XXYLT1: variants seen among roughly 807,000 people sequenced by gnomAD.
XXYLT1 encodes the protein xyloside xylosyltransferase 1.
XXYLT1 carries 20 observed loss-of-function variants against 28.9 expected under a neutral mutation model. That is an observed-to-expected ratio of 0.69 (90% CI 0.49 to 1.00). XXYLT1 has a LOEUF of 1.00. XXYLT1 is among the 50% of genes least tolerant of loss of function. The pLI, the probability that XXYLT1 is intolerant of heterozygous loss-of-function variation, is 0.00. For missense variants in XXYLT1, 542 were observed against 560.1 expected, an observed-to-expected ratio of 0.97 and a Z score of 0.33; for synonymous variants, 257 against 253.8, an observed-to-expected ratio of 1.01 and a Z score of -0.12.
At position 195,104,198 on chromosome 3, in the gene XXYLT1, CGTGTGTGTGTGTGTGTGTGTGTGTGTGT is replaced by C. The variant is rs59361512; in HGVS notation, c.786-34115_786-34088del. ...ACGGTGATGACGGTGATGAGGGCTC[CGTGTGTGTGTGTGTGTGTGTGTGTGTGT>C]GTGTGTGTGTGTGTGTGTGTATTTT... On this transcript the variant is annotated intron_variant, in intron 3 of 3. Transcript: ENST00000310380. 9.4e-4 allele frequency among the ~76,000 whole-genome samples: 134 copies of C among 142,072 alleles called. No individual in the cohort carries two copies. In the Middle Eastern group the frequency reaches 0.014, roughly 15 times the overall value. 93.2% of individuals were successfully genotyped at this position (142,072 alleles called of 152,430 possible). A position where few individuals can be genotyped will look rare whatever the true frequency, so the allele number is the denominator to read the frequency against.
intron 2 of XXYLT1, among the ~76,000 whole-genome samples, chr3:195,193,555 T>A (rs951243793): frequency 6.6e-6 from 1 of 152,112 alleles, no homozygotes; most frequent in Non-Finnish European, 1.5e-5. Context: ...AAAATGTATA[T>A]GGAAATGCAA....
At position 195,076,879 on chromosome 3, in the gene XXYLT1, G is replaced by A. The variant is rs1038541597; in HGVS notation, c.786-6768C>T. Among the ~76,000 whole-genome samples the A allele has an allele frequency of 6.6e-6, 1 of 152,166 alleles. No individual in the cohort carries two copies. Among genetic ancestry groups the A allele is most frequent in the African/African-American group, 2.4e-5 (1 of 41,430 alleles). On this transcript the variant is annotated intron_variant, in intron 3 of 3. Transcript: ENST00000310380. The surrounding 1 kb of genome is among the most constrained non-coding windows in gnomAD (Gnocchi z 5.3). ...GATCCGGGCCTGCCCTACCCCAGCAGAACCTCATCTCAACTCTTTATATCT... is the reference window on the plus strand; with the variant it reads ...GATCCGGGCCTGCCCTACCCCAGCAAAACCTCATCTCAACTCTTTATATCT...
chr3:195,230,344 C>T (rs960241850), intron 1 of XXYLT1, among the ~76,000 whole-genome samples: 6 of 152,180 alleles, frequency 3.9e-5, no homozygotes, highest in Non-Finnish European at 7.3e-5. Flanking sequence ...TCTCTCTTCA[C>T]TTTGCTGATT....
chr3:195,089,697 G>T (rs1716023394), intron 3 of XXYLT1, among the ~76,000 whole-genome samples: 1 of 151,550 alleles, frequency 6.6e-6, no homozygotes, highest in African/African-American at 2.4e-5. Context: ...AAATGTAAAT[G>T]GACTAAATGC....
intron 1 of XXYLT1, among the ~76,000 whole-genome samples, chr3:195,237,518 C>T (rs922476572): frequency 6.6e-6 from 1 of 151,820 alleles, no homozygotes; most frequent in African/African-American, 2.4e-5. Flanking sequence ...GTACTGTGAT[C>T]GCTCACCTGA....
chr3:195,089,239 TTGAAA>T (rs1715993186), intron 3 of XXYLT1, among the ~76,000 whole-genome samples: 1 of 151,578 alleles, frequency 6.6e-6, no homozygotes, highest in South Asian at 2.1e-4. Context: ...TTTACCAAAG[TTGAAA>T]TGAAGGAAAA....
At chr3:195,134,221 C>T (rs535307093) in intron 3 of XXYLT1, among the ~76,000 whole-genome samples, 76 of 152,262 alleles carry the variant, frequency 5.0e-4, no homozygotes, top group African/African-American at 1.8e-3. Flanking sequence ...GAAGAAAGAA[C>T]ATTTATTTCT....
chr3:195,109,779 G>A (rs1717395817), intron 3 of XXYLT1, among the ~76,000 whole-genome samples: 1 of 69,528 alleles, frequency 1.4e-5, no homozygotes, highest in African/African-American at 4.2e-5. Context: ...GGGTGTGTGT[G>A]TGGTGTATGT....
rs1430627991 is a variant in XXYLT1, at chr3:195,240,038, G to A, written c.505-13182C>T. On this transcript the variant is annotated intron_variant, in intron 1 of 3. Transcript: ENST00000310380. The surrounding 1 kb of genome is among the most constrained non-coding windows in gnomAD (Gnocchi z 4.7). ...GATTAAATCTGTGTTAAATTTCTCT[G>A]CCTACTTTTATTTTTAATTACTTCT... Among the ~76,000 whole-genome samples the A allele has an allele frequency of 6.6e-6, 1 of 152,136 alleles. No individual in the cohort carries two copies. The highest frequency in any genetic ancestry group is 2.4e-5 in the African/African-American group (1 of 41,436).
At chr3:195,267,639 G>A (rs576240447) in intron 1 of XXYLT1, among the ~76,000 whole-genome samples, 1 of 152,214 alleles carries the variant, frequency 6.6e-6, no homozygotes, top group Non-Finnish European at 1.5e-5. Flanking sequence ...AAGGAGTTTA[G>A]AGTCTAGCAA....
intron 2 of XXYLT1, among the ~76,000 whole-genome samples, chr3:195,204,352 AAAAG>A (rs1281764951): frequency 1.3e-5 from 2 of 152,046 alleles, no homozygotes; most frequent in African/African-American, 4.8e-5. Context: ...AAAAAAAAAA[AAAAG>A]AGAGAGAGAG....
At chr3:195,159,891 A>C (rs890386512) in intron 2 of XXYLT1, among the ~76,000 whole-genome samples, 9 of 152,162 alleles carry the variant, frequency 5.9e-5, no homozygotes, top group African/African-American at 2.2e-4. Context: ...CATCCAGCAG[A>C]AACTTGGGTC....
chr3:195,235,717 C>A (rs564653028), intron 1 of XXYLT1, among the ~76,000 whole-genome samples: 6 of 152,178 alleles, frequency 3.9e-5, no homozygotes, highest in Non-Finnish European at 7.3e-5. Flanking sequence ...TTTTTGGTCA[C>A]TGCAGCTGTA....
At chr3:195,148,676 A>G (rs1000191476) in intron 3 of XXYLT1, among the ~76,000 whole-genome samples, 2 of 152,188 alleles carry the variant, frequency 1.3e-5, no homozygotes, top group African/African-American at 4.8e-5. Flanking sequence ...ACATCCTGAC[A>G]TGAGGCAATC....
intron 3 of XXYLT1, among the ~76,000 whole-genome samples, chr3:195,135,724 A>C (rs1719159409): frequency 6.6e-6 from 1 of 152,236 alleles, no homozygotes; most frequent in Non-Finnish European, 1.5e-5. Context: ...TCTACTGTAG[A>C]AAAGAGGTTT....
chr3:195,239,846 A>C (rs1246619094), intron 1 of XXYLT1, among the ~76,000 whole-genome samples: 1 of 152,134 alleles, frequency 6.6e-6, no homozygotes, highest in East Asian at 1.9e-4. Flanking sequence ...ATGTCACCCC[A>C]ACCCACAAGA....
intron 3 of XXYLT1, among the ~76,000 whole-genome samples, chr3:195,118,423 C>T (rs1439050285): frequency 6.7e-6 from 1 of 148,972 alleles, no homozygotes; most frequent in Non-Finnish European, 1.5e-5. Flanking sequence ...CCAGCTTCCA[C>T]ACCGGGCTCC....
chr3:195,249,020 C>T (rs1032373291), intron 1 of XXYLT1, among the ~76,000 whole-genome samples: 1 of 152,132 alleles, frequency 6.6e-6, no homozygotes, highest in Non-Finnish European at 1.5e-5. Context: ...TTAAAATATA[C>T]GTTAAGTAGG....
chr3:195,166,489 C>T (rs548010470), intron 2 of XXYLT1, among the ~76,000 whole-genome samples: 18 of 152,316 alleles, frequency 1.2e-4, no homozygotes, highest in African/African-American at 4.3e-4. Flanking sequence ...AGTCAGGACA[C>T]TAGCAGTAAC....
Sources: allele counts gnomAD v4.1 joint callset (sites outside exome capture counted in the v4.1 genomes callset), GRCh38; gene constraint gnomAD v4.1.1; non-coding constraint Gnocchi (gnomAD v3.1); transcripts MANE v1.5; gene names NCBI Gene and HGNC (gene_info 2026-07-23, HGNC 2026-07-21).